STARD13: variants seen among roughly 807,000 people sequenced by gnomAD.
STARD13 encodes the protein StAR related lipid transfer domain containing 13.
STARD13 carries 62 observed loss-of-function variants against 106.4 expected under a neutral mutation model. The observed-to-expected ratio is 0.58, with a 90% CI of 0.48 to 0.72. The LOEUF is 0.72. Among genes scored for constraint, STARD13 ranks in the 30% least tolerant of loss-of-function variants. The pLI is 0.00. For synonymous variants in STARD13, 565 were observed against 553.0 expected (o/e 1.02, Z -0.31); for missense variants, 1,387 against 1,424.0 (o/e 0.97, Z 0.42).
rs1883206706 is a variant in STARD13 at position 33,165,431 on chromosome 13, G to A, written c.242-13C>T. On this transcript the variant is annotated splice_polypyrimidine_tract_variant and intron_variant, in intron 2 of 13. Coordinates refer to ENST00000336934, the MANE Select transcript of STARD13 (RefSeq NM_178006.4). The stretch of plus-strand genomic sequence containing the variant: ...GGAAATTGTGAATCTGAGAGAGAAA[G>A]ACAAAGAAGTTGATGTACTTTGTTT... 6.2e-7 allele frequency: 1 copy of A among 1,603,482 alleles called. No homozygotes were observed. The highest frequency in any genetic ancestry group is 8.5e-7 in the Non-Finnish European group (1 of 1,170,516).
intron 1 of STARD13, among the ~76,000 whole-genome samples, chr13:33,343,389 G>C (rs928205237): frequency 2.7e-5 from 4 of 150,878 alleles, no homozygotes; most frequent in Non-Finnish European, 4.4e-5. Flanking sequence ...AGACTGGTCT[G>C]GGCAACATGA....
the STARD13 span, among the ~76,000 whole-genome samples, chr13:33,433,179 A>T: frequency 2.0e-5 from 3 of 152,240 alleles, no homozygotes; most frequent in Non-Finnish European, 4.4e-5. Context: ...GATTCTTTTA[A>T]CAAGATAATA....
the STARD13 span, among the ~76,000 whole-genome samples, chr13:33,516,357 A>G: frequency 1.3e-5 from 2 of 151,364 alleles, no homozygotes; most frequent in Non-Finnish European, 2.9e-5. Flanking sequence ...TTTCTTACTT[A>G]CCTTAAGAAC....
chr13:33,385,159 T>G, the STARD13 span, among the ~76,000 whole-genome samples: 1 of 129,136 alleles, frequency 7.7e-6, no homozygotes, highest in African/African-American at 2.9e-5. Flanking sequence ...ATGTCTGGGT[T>G]GATAATAGTT....
At chr13:33,171,365 G>A (rs1397216347) in intron 1 of STARD13, among the ~76,000 whole-genome samples, 1 of 152,200 alleles carries the variant, frequency 6.6e-6, no homozygotes, top group East Asian at 1.9e-4. Flanking sequence ...GTGCTGCTTT[G>A]CTGGTGAAAA....
intron 12 of STARD13, 77 bp downstream of exon 12, chr13:33,109,796 C>CCAGGAGAAG: frequency 1.4e-6 from 2 of 1,396,268 alleles, no homozygotes; most frequent in East Asian, 4.6e-5. Context: ...GTGGGAGACA[C>CCAGGAGAAG]CAGGAGAAGT....
chr13:33,106,468 A>G lies in STARD13; in HGVS notation c.3224+290T>C, dbSNP rs985050956. Among the ~76,000 whole-genome samples the G allele has an allele frequency of 5.3e-5, 8 of 152,334 alleles. No homozygotes were observed. In the East Asian group the frequency reaches 1.3e-3, roughly 26 times the overall value. ...AACTCTGATTTACTGAGTACCTACT[A>G]TGTGTCAGGCTCTGTTTCTGGTGTG... On this transcript the variant is annotated intron_variant, in intron 13 of 13. Coordinates refer to ENST00000336934, the MANE Select transcript of STARD13 (RefSeq NM_178006.4).
intron 1 of STARD13, among the ~76,000 whole-genome samples, chr13:33,241,535 G>GC (rs991387010): frequency 5.4e-5 from 8 of 148,328 alleles, no homozygotes; most frequent in Admixed American, 4.7e-4. Context: ...TAAAAAGTAT[G>GC]CCCCTCCCCC....
At chr13:33,567,283 G>A in the STARD13 span, among the ~76,000 whole-genome samples, 1 of 148,354 alleles carries the variant, frequency 6.7e-6, no homozygotes, top group Non-Finnish European at 1.5e-5. Flanking sequence ...TACCTGGAGA[G>A]GACAGTAAAG....
At chr13:33,300,768 T>G (rs1892678327) in intron 1 of STARD13, among the ~76,000 whole-genome samples, 1 of 152,226 alleles carries the variant, frequency 6.6e-6, no homozygotes, top group Non-Finnish European at 1.5e-5. Context: ...AATTACCATT[T>G]AAATCAACCT....
chr13:33,482,674 C>T, the STARD13 span, among the ~76,000 whole-genome samples: 1 of 152,004 alleles, frequency 6.6e-6, no homozygotes, highest in East Asian at 1.9e-4. Context: ...GGTAAAAGCA[C>T]AATTTTTAAA....
At chr13:33,377,848 A>C in the STARD13 span, among the ~76,000 whole-genome samples, 1 of 152,094 alleles carries the variant, frequency 6.6e-6, no homozygotes, top group Non-Finnish European at 1.5e-5. Context: ...AGCAGTTTTT[A>C]CACCCAGCAG....
At chr13:33,111,162 C>T (rs1184447965) in intron 10 of STARD13, among the ~76,000 whole-genome samples, 1 of 152,186 alleles carries the variant, frequency 6.6e-6, no homozygotes, top group Non-Finnish European at 1.5e-5. Context: ...TTTCACTTCC[C>T]TTTTATTTTA....
the STARD13 span, among the ~76,000 whole-genome samples, chr13:33,389,807 T>TA: frequency 6.6e-6 from 1 of 152,170 alleles, no homozygotes; most frequent in Non-Finnish European, 1.5e-5. Flanking sequence ...CTTCGTTTAT[T>TA]ATGTTTGAGT....
intron 1 of STARD13, chr13:33,275,612 C>T (rs1409687908): frequency 1.3e-5 from 2 of 152,186 alleles, no homozygotes; most frequent in Non-Finnish European, 2.9e-5. Flanking sequence ...CCTGAAAGTG[C>T]TCTAAATTAG....
chr13:33,381,427 G>A, the STARD13 span, among the ~76,000 whole-genome samples: 1 of 152,246 alleles, frequency 6.6e-6, no homozygotes. Flanking sequence ...AGAAGAAAAT[G>A]CTCATAGAAT....
chr13:33,366,183 T>C, the STARD13 span, among the ~76,000 whole-genome samples: 1 of 152,142 alleles, frequency 6.6e-6, no homozygotes, highest in South Asian at 2.1e-4. This position sits in a 1 kb window ranked among gnomAD's most constrained non-coding sequence, Gnocchi z 4.2. Flanking sequence ...CACTTATATG[T>C]ATATATTACT....
At chr13:33,365,299 T>G in the STARD13 span, among the ~76,000 whole-genome samples, 1 of 152,110 alleles carries the variant, frequency 6.6e-6, no homozygotes, top group Non-Finnish European at 1.5e-5. Flanking sequence ...TAACAGGAAT[T>G]GGGAACAGGA....
chr13:33,169,613 A>C (rs1158841090), intron 1 of STARD13, among the ~76,000 whole-genome samples: 28 of 152,242 alleles, frequency 1.8e-4, no homozygotes, highest in Admixed American at 1.8e-3. Context: ...TTCTCTTGGC[A>C]TTACATGAAT....
Sources: gnomAD v4.1 joint callset for allele counts (sites outside exome capture counted in the v4.1 genomes callset) on GRCh38, gnomAD v4.1.1 for gene constraint, Gnocchi (gnomAD v3.1) non-coding constraint, MANE v1.5 for transcripts, NCBI Gene and HGNC (gene_info 2026-07-23, HGNC 2026-07-21) for gene names.